TRAPPC9: variants seen among roughly 807,000 people sequenced by gnomAD.
TRAPPC9 encodes the protein trafficking protein particle complex subunit 9, also known as IKK2 binding protein.
A neutral mutation model predicts 124.0 loss-of-function variants in TRAPPC9; 83 were observed. The observed-to-expected ratio is 0.67, with a 90% CI of 0.56 to 0.80. TRAPPC9 has a LOEUF of 0.80. Among genes scored for constraint, TRAPPC9 ranks in the 30% least tolerant of loss-of-function variants. The probability of loss-of-function intolerance (pLI) is 0.00; values close to 1 mark genes in which losing one functional copy is unlikely to be tolerated. For synonymous variants in TRAPPC9, 638 were observed against 617.5 expected (o/e 1.03, Z -0.49); for missense variants, 1,302 against 1,508.3 (o/e 0.86, Z 2.27).
intron 17 of TRAPPC9, among the ~76,000 whole-genome samples, chr8:140,114,332 G>GAAAAAAAAAAAAAAAAAAA (rs59499088): frequency 8.5e-6 from 1 of 117,052 alleles, no homozygotes; most frequent in African/African-American, 3.2e-5. Context: ...AAGGACTGAA[G>GAAAAAAAAAAAAAAAAAAA]AAAAAAAAAA....
chr8:139,839,654 C>T (rs1352263540), intron 21 of TRAPPC9, among the ~76,000 whole-genome samples: 1 of 152,232 alleles, frequency 6.6e-6, no homozygotes, highest in Non-Finnish European at 1.5e-5. Flanking sequence ...ATGGCGCATT[C>T]CTTCTTCCCA....
intron 15 of TRAPPC9, among the ~76,000 whole-genome samples, chr8:140,264,609 A>AGG (rs1188668920): frequency 1.3e-5 from 1 of 75,968 alleles, no homozygotes; most frequent in Non-Finnish European, 2.4e-5. Context: ...GGGAGGGGGA[A>AGG]GGGAGAGAGA....
intron 9 of TRAPPC9, among the ~76,000 whole-genome samples, chr8:140,334,407 T>C (rs571121600): frequency 5.3e-5 from 8 of 152,254 alleles, no homozygotes; most frequent in African/African-American, 1.7e-4. Flanking sequence ...CCCAGCACTT[T>C]GGGAGGCCAA....
chr8:140,025,968 C>G lies in TRAPPC9; in HGVS notation c.2557-1889G>C, dbSNP rs577092131. 2.0e-5 allele frequency among the ~76,000 whole-genome samples: 3 copies of G among 152,260 alleles called. No homozygotes were observed. In the South Asian group the frequency reaches 6.2e-4, roughly 32 times the overall value. ...CGTCCCCAGAACTACTCCATCTTCC[C>G]AAACTGACCCTCTGAACCCATTAAA... On this transcript the variant is annotated intron_variant, in intron 17 of 22. Transcript: ENST00000438773.
chr8:139,819,017 C>G (rs1825062568), intron 21 of TRAPPC9, among the ~76,000 whole-genome samples: 1 of 152,220 alleles, frequency 6.6e-6, no homozygotes, highest in African/African-American at 2.4e-5. Context: ...CGTTAGGAAC[C>G]AGGCTGGAGA....
chr8:140,199,177 A>C (rs2062731196), intron 17 of TRAPPC9, among the ~76,000 whole-genome samples: 1 of 152,128 alleles, frequency 6.6e-6, no homozygotes, highest in African/African-American at 2.4e-5. Flanking sequence ...CATGCATTTG[A>C]GTCACCTGGG....
intron 17 of TRAPPC9, among the ~76,000 whole-genome samples, chr8:140,207,885 G>T (rs1198143535): frequency 6.6e-6 from 1 of 152,194 alleles, no homozygotes; most frequent in Non-Finnish European, 1.5e-5. Flanking sequence ...GGGCACAGTG[G>T]CTCATGCCTT....
At chr8:140,025,268 G>A (rs1036653557) in intron 17 of TRAPPC9, among the ~76,000 whole-genome samples, 2 of 152,186 alleles carry the variant, frequency 1.3e-5, no homozygotes, top group Non-Finnish European at 2.9e-5. Flanking sequence ...GGAAGCAGAG[G>A]ACACAGCAGA....
rs1372448402 is a variant in TRAPPC9, at chr8:140,419,446, A to AC, written c.886+7168_886+7169insG. 1.2e-3 allele frequency among the ~76,000 whole-genome samples: 172 copies of AC among 146,754 alleles called. 1 individual carries two copies. Among genetic ancestry groups the AC allele is most frequent in the East Asian group, 4.2e-3 (21 of 4,990 alleles). On this transcript the variant is annotated intron_variant, in intron 5 of 22. Transcript: ENST00000438773. ...TCCGTCTCAAAAAAAAAAAAAAAAAAAAAAAACAAAACAAAACAAAAAACG... is the reference window on the plus strand; with the variant it reads ...TCCGTCTCAAAAAAAAAAAAAAAAAACAAAAAACAAAACAAAACAAAAAACG...
At chr8:139,787,111 T>C (rs945926751) in intron 21 of TRAPPC9, among the ~76,000 whole-genome samples, 8 of 152,294 alleles carry the variant, frequency 5.3e-5, no homozygotes, top group Admixed American at 3.3e-4. Context: ...TCACTTCTAT[T>C]ACTACCAGCA....
chr8:140,234,870 A>G (rs955306366), intron 16 of TRAPPC9, among the ~76,000 whole-genome samples: 2 of 152,246 alleles, frequency 1.3e-5, no homozygotes, highest in Admixed American at 6.5e-5. Flanking sequence ...AGAAAACATA[A>G]TATTTCCATG....
chr8:139,875,936 G>C (rs1409242702), intron 21 of TRAPPC9, among the ~76,000 whole-genome samples: 1 of 152,014 alleles, frequency 6.6e-6, no homozygotes, highest in Non-Finnish European at 1.5e-5. Flanking sequence ...AGGGCCGGTG[G>C]GCAAGCCCAG....
intron 17 of TRAPPC9, chr8:140,082,182 T>G (rs988786936): frequency 2.0e-5 from 3 of 152,226 alleles, no homozygotes; most frequent in Non-Finnish European, 4.4e-5. Context: ...AAGCCACATG[T>G]TTCTGTTATC....
chr8:140,057,729 C>T (rs1378228979), intron 17 of TRAPPC9, among the ~76,000 whole-genome samples: 1 of 152,162 alleles, frequency 6.6e-6, no homozygotes, highest in East Asian at 1.9e-4. Flanking sequence ...TTCAGTTATA[C>T]AAGGTGAGTA....
At chr8:140,161,166 G>A (rs1481639284) in intron 17 of TRAPPC9, among the ~76,000 whole-genome samples, 3 of 152,120 alleles carry the variant, frequency 2.0e-5, no homozygotes, top group East Asian at 3.8e-4. Flanking sequence ...CAGGGGAGGA[G>A]AACACATCAC....
intron 13 of TRAPPC9, among the ~76,000 whole-genome samples, chr8:140,286,013 C>T (rs536711872): frequency 2.6e-5 from 4 of 152,200 alleles, no homozygotes; most frequent in African/African-American, 7.2e-5. Flanking sequence ...GCGAGACACA[C>T]GAGGCCAGCA....
intron 17 of TRAPPC9, among the ~76,000 whole-genome samples, chr8:140,062,222 A>G (rs1034020170): frequency 6.6e-6 from 1 of 152,098 alleles, no homozygotes; most frequent in Non-Finnish European, 1.5e-5. Flanking sequence ...TTCCCTGTAC[A>G]CAGCGGGCTC....
chr8:140,090,214 G>C (rs1844472758), intron 17 of TRAPPC9, among the ~76,000 whole-genome samples: 2 of 152,298 alleles, frequency 1.3e-5, no homozygotes, highest in Admixed American at 6.5e-5. Flanking sequence ...AGTCATTTGA[G>C]TGTGTCTGTA....
chr8:139,790,202 T>G (rs1822558331), intron 21 of TRAPPC9, among the ~76,000 whole-genome samples: 1 of 152,232 alleles, frequency 6.6e-6, no homozygotes, highest in Non-Finnish European at 1.5e-5. Flanking sequence ...TGATTAGGCC[T>G]CAAAAACAGC....
Sources: allele counts gnomAD v4.1 joint callset (sites outside exome capture counted in the v4.1 genomes callset), GRCh38; gene constraint gnomAD v4.1.1; transcripts MANE v1.5; gene names NCBI Gene and HGNC (gene_info 2026-07-23, HGNC 2026-07-21).